The following PTPRO variants were observed in gnomAD, a reference collection of about 807,000 sequenced individuals.
The protein encoded by PTPRO is protein tyrosine phosphatase receptor type O.
Under a neutral mutation model 145.2 loss-of-function variants are expected in PTPRO, and 62 were observed. That is an observed-to-expected ratio of 0.43 (90% CI 0.35 to 0.53). The LOEUF (loss-of-function observed/expected upper bound fraction) is 0.53. Ranked by LOEUF, PTPRO falls within the 20% of genes least tolerant of loss-of-function variation. The pLI is 0.01. For synonymous variants in PTPRO, 565 were observed against 514.7 expected, an observed-to-expected ratio of 1.10 and a Z score of -1.32; for missense variants, 1,345 against 1,482.7, an observed-to-expected ratio of 0.91 and a Z score of 1.53.
chr12:15,450,042 G>T (rs1335978188), intron 1 of PTPRO, among the ~76,000 whole-genome samples: 1 of 152,086 alleles, frequency 6.6e-6, no homozygotes, highest in Non-Finnish European at 1.5e-5. Context: ...TGCTTTTTCA[G>T]TTCCCTTCTC....
intron 19 of PTPRO, among the ~76,000 whole-genome samples, chr12:15,571,219 C>T (rs947881762): frequency 6.6e-6 from 1 of 152,126 alleles, no homozygotes; most frequent in Non-Finnish European, 1.5e-5. Context: ...CAAAGAGAAA[C>T]GCAGCCAGAG....
At chr12:15,516,548 G>A (rs904160944) in intron 8 of PTPRO, among the ~76,000 whole-genome samples, 11 of 140,486 alleles carry the variant, frequency 7.8e-5, no homozygotes, top group Non-Finnish European at 4.6e-5. Flanking sequence ...AAGGAGGGAG[G>A]GAGGGAAGAA....
chr12:15,530,061 A>G (rs763448416), intron 12 of PTPRO, among the ~76,000 whole-genome samples: 2 of 152,220 alleles, frequency 1.3e-5, no homozygotes, highest in African/African-American at 2.4e-5. Flanking sequence ...AAACAAGCAA[A>G]AAAGCAGATG....
chr12:15,466,017 A>G (rs1418477040), intron 1 of PTPRO, among the ~76,000 whole-genome samples: 7 of 152,198 alleles, frequency 4.6e-5, no homozygotes, highest in African/African-American at 1.7e-4. Flanking sequence ...ATATTATCCA[A>G]TATGATCATC....
chr12:15,325,795 A>G (rs1866429194), intron 1 of PTPRO, among the ~76,000 whole-genome samples: 1 of 152,214 alleles, frequency 6.6e-6, no homozygotes. Flanking sequence ...CAAATCGTGG[A>G]ATATGACATC....
intron 18 of PTPRO, among the ~76,000 whole-genome samples, chr12:15,566,503 A>T: frequency 6.6e-6 from 1 of 151,918 alleles, no homozygotes; most frequent in Non-Finnish European, 1.5e-5. Flanking sequence ...TTCATTTTTT[A>T]TTTTTATTTT....
At chr12:15,522,431 A>G (rs1165663845) in intron 10 of PTPRO, among the ~76,000 whole-genome samples, 1 of 149,228 alleles carries the variant, frequency 6.7e-6, no homozygotes, top group African/African-American at 2.5e-5. Flanking sequence ...CCACCCCCCG[A>G]CAGTTCTCAT....
In PTPRO at chr12:15,505,848, C is replaced by T. The variant is rs74070757; in HGVS notation, c.1267+1779C>T. Among the ~76,000 whole-genome samples the T allele has an allele frequency of 3.3e-3, 500 of 152,230 alleles. 4 individuals are homozygous for T. The highest frequency in any genetic ancestry group is 0.012 in the African/African-American group (481 of 41,548). ...ATTACAATTTATTATATGTTTATGTCGTTGCATTATAATTTACATTTATGT... is the reference window on the plus strand; with the variant it reads ...ATTACAATTTATTATATGTTTATGTTGTTGCATTATAATTTACATTTATGT... On this transcript the variant is annotated intron_variant, in intron 6 of 26. Coordinates refer to ENST00000281171, the MANE Select transcript of PTPRO (RefSeq NM_030667.3).
intron 1 of PTPRO, among the ~76,000 whole-genome samples, chr12:15,363,109 G>C (rs757306804): frequency 6.6e-5 from 10 of 152,020 alleles, no homozygotes; most frequent in Non-Finnish European, 1.5e-4. Flanking sequence ...GCCGACCTTG[G>C]GTATGTCTAG....
At chr12:15,361,915 T>C (rs1938221974) in intron 1 of PTPRO, among the ~76,000 whole-genome samples, 1 of 152,210 alleles carries the variant, frequency 6.6e-6, no homozygotes, top group African/African-American at 2.4e-5. Flanking sequence ...AAATGTCTTA[T>C]ATCTTAGTTT....
chr12:15,431,018 C>A (rs1179775907), intron 1 of PTPRO, among the ~76,000 whole-genome samples: 1 of 152,006 alleles, frequency 6.6e-6, no homozygotes, highest in Non-Finnish European at 1.5e-5. Flanking sequence ...TTGATATTGA[C>A]CTCAATAAAA....
At chr12:15,418,087 G>T (rs2136322845) in intron 1 of PTPRO, among the ~76,000 whole-genome samples, 1 of 151,914 alleles carries the variant, frequency 6.6e-6, no homozygotes, top group African/African-American at 2.4e-5. Flanking sequence ...AATTTCAGCT[G>T]CTATTTTTTT....
At chr12:15,436,075 C>A (rs897715189) in intron 1 of PTPRO, among the ~76,000 whole-genome samples, 6 of 152,242 alleles carry the variant, frequency 3.9e-5, no homozygotes, top group Middle Eastern at 6.8e-3. Flanking sequence ...TCTTTGAAAC[C>A]AACAAGAACA....
chr12:15,356,078 C>A (rs1443895238), intron 1 of PTPRO, among the ~76,000 whole-genome samples: 1 of 152,108 alleles, frequency 6.6e-6, no homozygotes, highest in African/African-American at 2.4e-5. Context: ...AATAAGTAGC[C>A]TTTTATTTTT....
At chr12:15,586,839 G>T in intron 23 of PTPRO, 58 bp from the exon 24 acceptor site, 1 of 1,599,876 alleles carries the variant, frequency 6.3e-7, no homozygotes, top group South Asian at 1.1e-5. Flanking sequence ...CAGAGTCCTG[G>T]GTCATCCTAA....
At chr12:15,483,871 T>C (rs1022167322) in intron 1 of PTPRO, 103 bp from the exon 2 acceptor site, 1 of 1,251,076 alleles carries the variant, frequency 8.0e-7, no homozygotes, top group Non-Finnish European at 1.1e-6. Context: ...ACATAACTAA[T>C]GTTTATGATA....
chr12:15,331,332 A>G (rs2136200320), intron 1 of PTPRO, among the ~76,000 whole-genome samples: 1 of 152,286 alleles, frequency 6.6e-6, no homozygotes, highest in South Asian at 2.1e-4. Context: ...GGAGGTATAA[A>G]TGCTTCCGGG....
chr12:15,478,029 C>T (rs1394561195), intron 1 of PTPRO, among the ~76,000 whole-genome samples: 3 of 152,186 alleles, frequency 2.0e-5, no homozygotes, highest in Non-Finnish European at 4.4e-5. Flanking sequence ...CTCTGTGTTT[C>T]TGATGGCCAA....
At chr12:15,513,451 T>C (rs1942511013) in intron 7 of PTPRO, among the ~76,000 whole-genome samples, 1 of 152,226 alleles carries the variant, frequency 6.6e-6, no homozygotes, top group Admixed American at 6.5e-5. Context: ...AATTTATTAA[T>C]TCAATATAAT....
Sources: gnomAD v4.1 joint callset for allele counts (sites outside exome capture counted in the v4.1 genomes callset) on GRCh38, gnomAD v4.1.1 for gene constraint, MANE v1.5 for transcripts, NCBI Gene and HGNC (gene_info 2026-07-23, HGNC 2026-07-21) for gene names.